Variants in TENM1 observed in about 807,000 individuals in gnomAD.
TENM1 encodes teneurin transmembrane protein 1, also known as teneurin-1.
TENM1 carries 35 observed loss-of-function variants against 174.8 expected under a neutral mutation model. That is an observed-to-expected ratio of 0.20 (90% CI 0.15 to 0.27). The LOEUF (loss-of-function observed/expected upper bound fraction) is 0.27. Ranked by LOEUF, TENM1 falls within the 10% of genes least tolerant of loss-of-function variation. The pLI is 1.00. For synonymous variants in TENM1, 781 were observed against 798.7 expected (o/e 0.98, Z 0.37); for missense variants, 1,633 against 2,130.1 (o/e 0.77, Z 4.59).
At chrX:125,086,597 C>T in the TENM1 span, among the ~76,000 whole-genome samples, 6 of 110,450 alleles carry the variant, frequency 5.4e-5, no homozygotes, top group African/African-American at 1.3e-4. Context: ...AAAATATTGT[C>T]GGTAAGTTTT....
chrX:125,031,411 A>T, the TENM1 span, among the ~76,000 whole-genome samples: 3 of 111,950 alleles, frequency 2.7e-5, no homozygotes, highest in Non-Finnish European at 5.6e-5. Context: ...CTGAGAAGTA[A>T]GGACATACAT....
the TENM1 span, among the ~76,000 whole-genome samples, chrX:125,034,437 A>G: frequency 9.0e-6 from 1 of 111,385 alleles, no homozygotes; most frequent in Non-Finnish European, 1.9e-5. Flanking sequence ...TTTAAGTACC[A>G]GGGGAAATAA....
chrX:124,497,741 G>C (rs2047233629), intron 19 of TENM1, among the ~76,000 whole-genome samples: 1 of 111,588 alleles, frequency 9.0e-6, no homozygotes, highest in African/African-American at 3.3e-5. Context: ...CAATCAGGAA[G>C]GTAATCTACT....
At chrX:124,520,781 C>T in exon 18 of TENM1, 1 of 1,082,667 alleles carries the variant, frequency 9.2e-7, no homozygotes, top group Non-Finnish European at 1.2e-6. Flanking sequence ...TCCTCCTGTA[C>T]AACCTGAAAT....
At chrX:124,608,608 A>G (rs892960172) in intron 11 of TENM1, among the ~76,000 whole-genome samples, 1 of 110,976 alleles carries the variant, frequency 9.0e-6, no homozygotes, top group Non-Finnish European at 1.9e-5. Flanking sequence ...ATGGAACTCT[A>G]TTTTGTCATT....
At chrX:124,871,481 T>C (rs927106416) in intron 3 of TENM1, among the ~76,000 whole-genome samples, 1 of 111,690 alleles carries the variant, frequency 9.0e-6, no homozygotes, top group East Asian at 2.8e-4. Flanking sequence ...TTCCGTCAAC[T>C]GAAATGGGAA....
intron 3 of TENM1, among the ~76,000 whole-genome samples, chrX:124,770,710 ATT>A (rs201991337): frequency 1.3e-4 from 13 of 98,590 alleles, no homozygotes; most frequent in Admixed American, 1.1e-4. Context: ...CACCCAGACC[ATT>A]TTTTTTTTTT....
At chrX:125,195,241 C>G in the TENM1 span, among the ~76,000 whole-genome samples, 5 of 111,954 alleles carry the variant, frequency 4.5e-5, no homozygotes, top group Admixed American at 2.8e-4. Context: ...CCCATTGTCA[C>G]AGATCATCAG....
the TENM1 span, among the ~76,000 whole-genome samples, chrX:125,152,015 G>A: frequency 1.8e-5 from 2 of 111,658 alleles, no homozygotes; most frequent in African/African-American, 6.5e-5. Context: ...CAGTACTCTG[G>A]GAGGCTGAAG....
intron 11 of TENM1, among the ~76,000 whole-genome samples, chrX:124,583,236 G>A (rs1055579994): frequency 2.7e-5 from 3 of 111,604 alleles, no homozygotes; most frequent in African/African-American, 6.5e-5. Context: ...GCCTCCTCAG[G>A]TGGGTCCCTG....
chrX:125,112,527 T>C, the TENM1 span, among the ~76,000 whole-genome samples: 1 of 111,272 alleles, frequency 9.0e-6, no homozygotes, highest in South Asian at 3.8e-4. Context: ...GGAGAATATA[T>C]GCCTGCTTCC....
chrX:124,837,036 G>A (rs1243329479), intron 3 of TENM1, among the ~76,000 whole-genome samples: 1 of 112,005 alleles, frequency 8.9e-6, no homozygotes, highest in African/African-American at 3.2e-5. Context: ...CTAGATTCTT[G>A]TCTGAGCCCT....
At chrX:125,102,834 T>C in the TENM1 span, among the ~76,000 whole-genome samples, 1 of 112,104 alleles carries the variant, frequency 8.9e-6, no homozygotes, top group African/African-American at 3.2e-5. Flanking sequence ...TCAGGTCTTA[T>C]TACATCTTAT....
intron 14 of TENM1, among the ~76,000 whole-genome samples, chrX:124,559,720 A>T (rs1295632032): frequency 9.0e-6 from 1 of 111,695 alleles, no homozygotes; most frequent in African/African-American, 3.3e-5. Flanking sequence ...AATAATTCAC[A>T]TAAGGGGCTC....
chrX:124,760,695 G>A (rs894661298), intron 3 of TENM1, among the ~76,000 whole-genome samples: 20 of 111,587 alleles, frequency 1.8e-4, no homozygotes, highest in Non-Finnish European at 3.6e-4. Context: ...ATAGACAAAT[G>A]GGATCTAATT....
intron 6 of TENM1, 28 bp from the exon 10 acceptor site, chrX:124,653,811 C>T (rs775408349): frequency 4.5e-6 from 5 of 1,104,173 alleles, no homozygotes; most frequent in Non-Finnish European, 6.2e-6. Flanking sequence ...GAAAATTACA[C>T]ACCATGTTAA....
At chrX:124,887,421 C>G (rs1237809282) in intron 3 of TENM1, among the ~76,000 whole-genome samples, 1 of 111,015 alleles carries the variant, frequency 9.0e-6, no homozygotes, top group African/African-American at 3.3e-5. Flanking sequence ...ACATTATTAA[C>G]CTGACTGTGT....
chrX:125,109,378 T>A, the TENM1 span, among the ~76,000 whole-genome samples: 1 of 111,355 alleles, frequency 9.0e-6, no homozygotes. Flanking sequence ...TTAATCAACT[T>A]TTATTTTAAG....
the TENM1 span, among the ~76,000 whole-genome samples, chrX:125,187,466 A>G: frequency 9.0e-6 from 1 of 111,623 alleles, no homozygotes; most frequent in Non-Finnish European, 1.9e-5. Flanking sequence ...TTTTATAGTA[A>G]TAAATATTGG....
Sources: allele counts gnomAD v4.1 joint callset (sites outside exome capture counted in the v4.1 genomes callset), GRCh38; gene constraint gnomAD v4.1.1; transcripts MANE v1.5; gene names NCBI Gene and HGNC (gene_info 2026-07-23, HGNC 2026-07-21).